KIF3B: variants seen among roughly 807,000 people sequenced by gnomAD.
KIF3B encodes kinesin-like protein KIF3B.
KIF3B carries 38 observed loss-of-function variants against 74.3 expected under a neutral mutation model. The observed-to-expected ratio is 0.51, with a 90% CI of 0.39 to 0.67. KIF3B has a LOEUF of 0.67. Ranked by LOEUF, KIF3B falls within the 30% of genes least tolerant of loss-of-function variation. KIF3B has a pLI of 0.00. For missense variants in KIF3B, 649 were observed against 932.0 expected (o/e 0.70, Z 3.95); for synonymous variants, 326 against 342.5 (o/e 0.95, Z 0.53).
At chr20:32,296,600 GAA>G (rs376783880) in intron 1 of KIF3B, among the ~76,000 whole-genome samples, 2 of 144,806 alleles carry the variant, frequency 1.4e-5, no homozygotes, top group Non-Finnish European at 3.0e-5. Context: ...TCGGTCTGAA[GAA>G]AAAAAAAAGG....
At chr20:32,278,264 G>C (rs192553950) in intron 1 of KIF3B, among the ~76,000 whole-genome samples, 1 of 152,170 alleles carries the variant, frequency 6.6e-6, no homozygotes, top group East Asian at 1.9e-4. Flanking sequence ...AGACCAAGAG[G>C]GCAGTTTGAA....
chr20:32,305,193 G>A (rs66948641), intron 1 of KIF3B, among the ~76,000 whole-genome samples: 13,427 of 151,810 alleles, frequency 0.088, 763 homozygotes, highest in Non-Finnish European at 0.13. Flanking sequence ...TGAATTACAT[G>A]TTTTTAAAAA....
chr20:32,319,576 G>GTT (rs1231130100), intron 5 of KIF3B, among the ~76,000 whole-genome samples: 11 of 98,320 alleles, frequency 1.1e-4, no homozygotes, highest in Non-Finnish European at 1.5e-4. Flanking sequence ...TTTTTGTTTT[G>GTT]TTTTTGTTTT....
At position 32,331,698 on chromosome 20, in the gene KIF3B, G is replaced by C; in HGVS notation, c.*379G>C. 1 of 208,118 alleles carries C rather than the reference G, an allele frequency of 4.8e-6. No individual in the cohort carries two copies. Among genetic ancestry groups the C allele is most frequent in the Non-Finnish European group, 9.4e-6 (1 of 106,084 alleles). 12.9% of individuals were successfully genotyped at this position (208,118 alleles called of 1,614,324 possible). On this transcript the variant is annotated 3_prime_UTR_variant, in exon 9 of 9. Coordinates refer to ENST00000375712, the MANE Select transcript of KIF3B (RefSeq NM_004798.4). ...GTTCTTTACATGGGGCTCCCTTCTT[G>C]TTGAACAATAGGGCAGAATCAGGAG...
At chr20:32,319,085 G>A (rs1412383702) in intron 5 of KIF3B, among the ~76,000 whole-genome samples, 1 of 151,290 alleles carries the variant, frequency 6.6e-6, no homozygotes, top group African/African-American at 2.4e-5. Flanking sequence ...CTCAACCTCT[G>A]GAATAGCTGG....
intron 1 of KIF3B, among the ~76,000 whole-genome samples, chr20:32,303,396 C>T (rs1351383369): frequency 1.3e-5 from 2 of 150,802 alleles, no homozygotes; most frequent in Non-Finnish European, 2.9e-5. Context: ...GAAACCCCAT[C>T]TCTACTAAAA....
chr20:32,278,586 C>G (rs1250232264), intron 1 of KIF3B, among the ~76,000 whole-genome samples: 1 of 152,118 alleles, frequency 6.6e-6, no homozygotes, highest in African/African-American at 2.4e-5. Context: ...GGTTTTACTT[C>G]TCCATTCTGC....
chr20:32,326,133 G>GTCA (rs2122716296), intron 5 of KIF3B, among the ~76,000 whole-genome samples: 1 of 152,238 alleles, frequency 6.6e-6, no homozygotes, highest in South Asian at 2.1e-4. Context: ...ATGGGAGACA[G>GTCA]TCATCACCAT....
At chr20:32,323,828 A>C (rs1309113603) in intron 5 of KIF3B, among the ~76,000 whole-genome samples, 1 of 152,074 alleles carries the variant, frequency 6.6e-6, no homozygotes, top group East Asian at 1.9e-4. Context: ...CAGTGAGCCA[A>C]GATTGTGCCA....
At chr20:32,319,399 G>C (rs1014284421) in intron 5 of KIF3B, among the ~76,000 whole-genome samples, 1 of 151,288 alleles carries the variant, frequency 6.6e-6, no homozygotes, top group Non-Finnish European at 1.5e-5. Flanking sequence ...CCTTTCACGG[G>C]CTTATTGGCC....
In KIF3B at chr20:32,310,845, A is replaced by G. The variant is rs1165473998; in HGVS notation, c.1068A>G (p.Arg356=). 6.2e-7 allele frequency: 1 copy of G among 1,614,046 alleles called. No individual in the cohort carries two copies. Among genetic ancestry groups the G allele is most frequent in the Admixed American group, 1.7e-5 (1 of 59,990 alleles). Residue 356 remains arginine (R), a synonymous_variant, in exon 2 of 9, where the codon CGA becomes CGG. Transcript: ENST00000375712. This position sits in a 1 kb window ranked among gnomAD's most constrained non-coding sequence, Gnocchi z 6.5. The stretch of plus-strand genomic sequence containing the variant: ...AGGACCCCAAGGATGCCCTCCTTCG[A>G]GAATTCCAGGAAGAGATTGCTCGGC... The part of the protein sequence containing the change: ...VNEDPKDALL[R]EFQEEIARLK...
chr20:32,282,383 G>A (rs1316061397), intron 1 of KIF3B, among the ~76,000 whole-genome samples: 1 of 152,086 alleles, frequency 6.6e-6, no homozygotes, highest in Non-Finnish European at 1.5e-5. Context: ...TTTGGTAAGG[G>A]GCCCTATGAG....
chr20:32,280,538 C>T (rs1234837894), intron 1 of KIF3B, among the ~76,000 whole-genome samples: 1 of 132,922 alleles, frequency 7.5e-6, no homozygotes, highest in African/African-American at 3.0e-5. Context: ...CACAGTGAAA[C>T]CCCATCTCTA....
At chr20:32,309,674 C>A in intron 1 of KIF3B, 39 bp from the exon 2 acceptor site, 1 of 1,331,278 alleles carries the variant, frequency 7.5e-7, no homozygotes, top group Non-Finnish European at 1.0e-6. Context: ...GCTGCAATGA[C>A]AACGGTACTG....
At chr20:32,299,403 A>ATATATATATATATATATT (rs1555895046) in intron 1 of KIF3B, among the ~76,000 whole-genome samples, 4 of 9,026 alleles carry the variant, frequency 4.4e-4, no homozygotes, top group African/African-American at 2.4e-3. Context: ...ATATATATAT[A>ATATATATATATATATATT]TTTTTTTTTT....
At chr20:32,296,834 G>T (rs1360025158) in intron 1 of KIF3B, among the ~76,000 whole-genome samples, 1 of 152,094 alleles carries the variant, frequency 6.6e-6, no homozygotes, top group Non-Finnish European at 1.5e-5. Flanking sequence ...ACCCAAGATG[G>T]ATAATCTTGT....
chr20:32,329,409 GCA>G lies in KIF3B; in HGVS notation c.1969-729_1969-728del, dbSNP rs919526794. On this transcript the variant is annotated intron_variant, in intron 7 of 8. Transcript: ENST00000375712. ...GTGTCACCCAAGCTGGAGTGCTGTA[GCA>G]CAGTCATAGCTCGCTGTATCCTCAG... Among the ~76,000 whole-genome samples the G allele has an allele frequency of 5.4e-5, 8 of 149,472 alleles. No individual in the cohort carries two copies. In the South Asian group the frequency reaches 1.1e-3, roughly 20 times the overall value.
intron 1 of KIF3B, among the ~76,000 whole-genome samples, chr20:32,288,090 T>G (rs1001994925): frequency 1.3e-5 from 2 of 151,840 alleles, no homozygotes; most frequent in Non-Finnish European, 2.9e-5. Context: ...ACCATGTTGG[T>G]CAGGCTGGTC....
chr20:32,327,499 C>A (rs140945302), intron 6 of KIF3B, 57 bp from the exon 7 acceptor site: 380 of 1,428,140 alleles, frequency 2.7e-4, no homozygotes, highest in Non-Finnish European at 3.6e-4. Flanking sequence ...CAGTGTCTTC[C>A]GAGTGCTGGT....
Sources: allele counts gnomAD v4.1 joint callset (sites outside exome capture counted in the v4.1 genomes callset), GRCh38; gene constraint gnomAD v4.1.1; non-coding constraint Gnocchi (gnomAD v3.1); transcripts MANE v1.5; gene names NCBI Gene and HGNC (gene_info 2026-07-23, HGNC 2026-07-21).